DHRS7B: variants seen among roughly 807,000 people sequenced by gnomAD.
DHRS7B encodes the protein dehydrogenase/reductase 7B.
A neutral mutation model predicts 26.4 loss-of-function variants in DHRS7B; 24 were observed. That is an observed-to-expected ratio of 0.91 (90% CI 0.66 to 1.28). DHRS7B has a LOEUF of 1.28. Ranked by LOEUF, DHRS7B falls within the 50% of genes most tolerant of loss-of-function variation. The pLI is 0.00. For missense variants in DHRS7B, 368 were observed against 419.4 expected, an observed-to-expected ratio of 0.88 and a Z score of 1.07; for synonymous variants, 142 against 166.4, an observed-to-expected ratio of 0.85 and a Z score of 1.13.
chr17:21,189,188 A>G (rs931328979), intron 6 of DHRS7B, among the ~76,000 whole-genome samples: 2 of 152,178 alleles, frequency 1.3e-5, no homozygotes, highest in African/African-American at 4.8e-5. Flanking sequence ...CCCGAGTCCA[A>G]GGAGTATTAT....
intron 2 of DHRS7B, among the ~76,000 whole-genome samples, chr17:21,173,719 T>C (rs536538819): frequency 6.6e-6 from 1 of 152,352 alleles, no homozygotes; most frequent in Non-Finnish European, 1.5e-5. Flanking sequence ...CAGGGACAGC[T>C]GTCTGCAGGC....
chr17:21,131,694 A>G (rs1006135591), intron 1 of DHRS7B, among the ~76,000 whole-genome samples: 3 of 152,266 alleles, frequency 2.0e-5, no homozygotes, highest in Middle Eastern at 3.2e-3. Flanking sequence ...GCTCTGGTTC[A>G]GATGACTGAT....
At position 21,172,282 on chromosome 17, in the gene DHRS7B, G is replaced by A. The variant is rs79336883; in HGVS notation, c.199+86G>A. 196 of 1,483,896 alleles carry A rather than the reference G, an allele frequency of 1.3e-4. 1 individual carries two copies. In the East Asian group the frequency reaches 4.0e-3, roughly 30 times the overall value. 91.9% of individuals were successfully genotyped at this position (1,483,896 alleles called of 1,614,324 possible). ...GCCCAGCTGCACAGGGACCACCAGC[G>A]CAAATGCCCGAAGCGGCAGCAGAAG... On this transcript the variant is annotated intron_variant, in intron 2 of 6. Coordinates refer to ENST00000395511, the MANE Select transcript of DHRS7B (RefSeq NM_015510.5).
intron 1 of DHRS7B, among the ~76,000 whole-genome samples, chr17:21,143,793 A>G (rs564739640): frequency 9.2e-5 from 14 of 152,352 alleles, no homozygotes; most frequent in African/African-American, 3.4e-4. Context: ...TCTTCGGGGT[A>G]GCAATTGGGG....
At chr17:21,134,905 T>C (rs540690202) in intron 1 of DHRS7B, among the ~76,000 whole-genome samples, 5 of 152,310 alleles carry the variant, frequency 3.3e-5, no homozygotes, top group African/African-American at 1.2e-4. Flanking sequence ...CCTGTTCTGC[T>C]TGATACTCAT....
intron 1 of DHRS7B, among the ~76,000 whole-genome samples, chr17:21,170,763 C>T (rs991771922): frequency 5.9e-5 from 9 of 152,140 alleles, no homozygotes; most frequent in African/African-American, 1.2e-4. Flanking sequence ...AGGATCAAAG[C>T]GACTTGGTGC....
chr17:21,138,064 T>TA (rs1973389491), intron 1 of DHRS7B, among the ~76,000 whole-genome samples: 2 of 12,138 alleles, frequency 1.6e-4, no homozygotes, highest in Admixed American at 5.5e-4. Flanking sequence ...CCCGGCCTCT[T>TA]TTAAAAAAAA....
At chr17:21,172,225 G>A in intron 2 of DHRS7B, 29 bp downstream of exon 2, 2 of 1,589,822 alleles carry the variant, frequency 1.3e-6, no homozygotes, top group South Asian at 2.3e-5. Context: ...GCTGCCAGGG[G>A]GCGGGGGTAA....
rs374791066 is a variant in DHRS7B at position 21,172,130 on chromosome 17, C to A, written c.133C>A (p.Arg45Ser). ...CCTCTTCCGGCTGCTGCAGTGGGTG[C>A]GCGGGAAGGCCTACCTGCGGAATGC... ...FGLFRLLQWV[R>S]GKAYLRNAVV... The change falls in exon 2 of 7, where the codon CGC (arginine) becomes AGC (serine). Residue 45 changes from arginine to serine, a missense_variant. Transcript: ENST00000395511. The A allele has an allele frequency of 1.2e-6, 2 of 1,614,020 alleles. No individual in the cohort carries two copies. Among genetic ancestry groups the A allele is most frequent in the South Asian group, 2.2e-5 (2 of 91,066 alleles).
chr17:21,138,124 A>ACACACC, intron 1 of DHRS7B, among the ~76,000 whole-genome samples: 1 of 139,146 alleles, frequency 7.2e-6, no homozygotes, highest in African/African-American at 2.7e-5. Flanking sequence ...ACACACACAC[A>ACACACC]CACACACATA....
intron 6 of DHRS7B, among the ~76,000 whole-genome samples, chr17:21,190,633 C>G (rs1181674316): frequency 6.6e-6 from 1 of 152,228 alleles, no homozygotes; most frequent in Non-Finnish European, 1.5e-5. Flanking sequence ...GGCCCTGTGC[C>G]TTTGCTGTGG....
intron 1 of DHRS7B, among the ~76,000 whole-genome samples, chr17:21,166,704 G>T (rs995963617): frequency 4.6e-5 from 7 of 152,126 alleles, no homozygotes; most frequent in Admixed American, 3.3e-4. Flanking sequence ...AAAAGAGTAC[G>T]TGTAGGTTTG....
chr17:21,175,125 G>A (rs1320120760), intron 2 of DHRS7B, among the ~76,000 whole-genome samples: 1 of 152,198 alleles, frequency 6.6e-6, no homozygotes, highest in Non-Finnish European at 1.5e-5. Context: ...GGCGCCTGGG[G>A]GATGAGCAAA....
chr17:21,162,909 G>A (rs549053882), intron 1 of DHRS7B, among the ~76,000 whole-genome samples: 56 of 151,934 alleles, frequency 3.7e-4, no homozygotes, highest in Non-Finnish European at 7.1e-4. Context: ...TAAAATACAG[G>A]TTTAGGCCGG....
intron 1 of DHRS7B, among the ~76,000 whole-genome samples, chr17:21,135,894 G>T (rs915468501): frequency 1.2e-4 from 18 of 152,180 alleles, no homozygotes; most frequent in African/African-American, 4.3e-4. Flanking sequence ...GGGCTTTGAG[G>T]AGTTGAATAG....
At position 21,172,138 on chromosome 17, in the gene DHRS7B, G is replaced by C. The variant is rs1974266447; in HGVS notation, c.141G>C (p.Lys47Asn). 1 of 1,614,042 alleles carries C rather than the reference G, an allele frequency of 6.2e-7. No homozygotes were observed. Among genetic ancestry groups the C allele is most frequent in the African/African-American group, 1.3e-5 (1 of 75,042 alleles). Residue 47 changes from lysine to asparagine, a missense_variant, in exon 2 of 7, where the codon AAG becomes AAC. Lys to Asn is a moderately conservative substitution (Grantham distance 94). Transcript: ENST00000395511. ...GGCTGCTGCAGTGGGTGCGCGGGAAGGCCTACCTGCGGAATGCTGTGGTGG... is the reference window on the plus strand; with the variant it reads ...GGCTGCTGCAGTGGGTGCGCGGGAACGCCTACCTGCGGAATGCTGTGGTGG... The part of the protein sequence containing the change: ...LFRLLQWVRG[K>N]AYLRNAVVVI...
At chr17:21,138,735 A>C (rs1009462388) in intron 1 of DHRS7B, among the ~76,000 whole-genome samples, 2 of 152,110 alleles carry the variant, frequency 1.3e-5, no homozygotes, top group Non-Finnish European at 2.9e-5. Flanking sequence ...GAATTAGACA[A>C]AACTTGTTCA....
chr17:21,177,250 C>A (rs911783114), intron 2 of DHRS7B, among the ~76,000 whole-genome samples: 7 of 152,154 alleles, frequency 4.6e-5, no homozygotes, highest in Non-Finnish European at 1.0e-4. Flanking sequence ...CACCCAGGCA[C>A]GTGAGAGCAC....
chr17:21,138,085 T>A (rs1168708176), intron 1 of DHRS7B, among the ~76,000 whole-genome samples: 14 of 65,114 alleles, frequency 2.2e-4, no homozygotes, highest in South Asian at 5.8e-4. Context: ...AATATATATA[T>A]ATATATATAT....
Sources: allele counts gnomAD v4.1 joint callset (sites outside exome capture counted in the v4.1 genomes callset), GRCh38; gene constraint gnomAD v4.1.1; transcripts MANE v1.5; gene names NCBI Gene and HGNC (gene_info 2026-07-23, HGNC 2026-07-21).